Variants in ANO4 observed in about 807,000 individuals in gnomAD.
The protein encoded by ANO4 is anoctamin 4, also known as anoctamin-4.
Under a neutral mutation model 141.9 loss-of-function variants are expected in ANO4, and 69 were observed. The observed-to-expected ratio is 0.49, with a 90% CI of 0.40 to 0.59. The LOEUF (loss-of-function observed/expected upper bound fraction) is 0.59, where lower values mean the gene tolerates loss of function less well. Among genes scored for constraint, ANO4 ranks in the 20% least tolerant of loss-of-function variants. The probability of loss-of-function intolerance (pLI) is 0.00; values close to 1 mark genes in which losing one functional copy is unlikely to be tolerated. For synonymous variants in ANO4, 350 were observed against 394.3 expected, an observed-to-expected ratio of 0.89 and a Z score of 1.33; for missense variants, 894 against 1,162.2, an observed-to-expected ratio of 0.77 and a Z score of 3.36.
intron 1 of ANO4, among the ~76,000 whole-genome samples, chr12:100,844,188 G>A (rs185635487): frequency 1.3e-5 from 2 of 152,212 alleles, no homozygotes; most frequent in East Asian, 3.9e-4. Context: ...GTTAAGGCCT[G>A]TGAAGAAAAG....
At chr12:100,870,864 T>A (rs920478906) in intron 1 of ANO4, among the ~76,000 whole-genome samples, 1 of 152,178 alleles carries the variant, frequency 6.6e-6, no homozygotes, top group Non-Finnish European at 1.5e-5. Flanking sequence ...GGCTTATTGG[T>A]TTTAAAGAAG....
At chr12:100,729,392 G>GAAAAAAAAAAAAAAAAA (rs2031289316) in intron 1 of ANO4, among the ~76,000 whole-genome samples, 1 of 65,212 alleles carries the variant, frequency 1.5e-5, no homozygotes. Flanking sequence ...AAAAAAAAAG[G>GAAAAAAAAAAAAAAAAA]TAACACTAAT....
At chr12:100,883,785 A>G (rs1337415697) in intron 1 of ANO4, among the ~76,000 whole-genome samples, 1 of 152,238 alleles carries the variant, frequency 6.6e-6, no homozygotes. Context: ...ACAACTTTTA[A>G]AAAAGATCAT....
At chr12:100,742,124 A>G (rs1198768914) in intron 3 of ANO4, among the ~76,000 whole-genome samples, 1 of 152,136 alleles carries the variant, frequency 6.6e-6, no homozygotes, top group African/African-American at 2.4e-5. Flanking sequence ...GCTTATTATT[A>G]TTCTTACTAT....
intron 8 of ANO4, among the ~76,000 whole-genome samples, chr12:101,000,970 A>C (rs991093388): frequency 3.3e-5 from 5 of 152,238 alleles, no homozygotes; most frequent in Admixed American, 1.3e-4. Flanking sequence ...AAACACTTTC[A>C]ATGCCTATTA....
chr12:100,936,854 T>G (rs1189735638), intron 3 of ANO4, among the ~76,000 whole-genome samples: 1 of 152,186 alleles, frequency 6.6e-6, no homozygotes, highest in South Asian at 2.1e-4. Flanking sequence ...TTCGCCACCC[T>G]GAGAGAGAAG....
At chr12:100,916,670 A>G (rs553114095) in intron 2 of ANO4, among the ~76,000 whole-genome samples, 1 of 152,290 alleles carries the variant, frequency 6.6e-6, no homozygotes, top group Admixed American at 6.5e-5. Context: ...TATACTATAG[A>G]AAAGACAAAA....
rs2043757783 is a variant in ANO4 at position 100,968,080 on chromosome 12, G to A, written c.457-3226G>A. 3.3e-5 allele frequency among the ~76,000 whole-genome samples: 5 copies of A among 152,070 alleles called. No homozygotes were observed. The South Asian group carries it at 1.0e-3, about 32-fold the overall frequency. ...AACATGTGAATGTGCTTTGACAATT[G>A]CAAAACATGAAAAATAATAAATAAA... On this transcript the variant is annotated intron_variant, in intron 5 of 27. Transcript: ENST00000392977.
intron 1 of ANO4, among the ~76,000 whole-genome samples, chr12:100,814,106 A>G (rs531824181): frequency 6.6e-6 from 1 of 152,286 alleles, no homozygotes; most frequent in Admixed American, 6.5e-5. Flanking sequence ...GATTGCATCC[A>G]TGATTCCTCT....
At chr12:100,754,620 C>T (rs114555856) in intron 3 of ANO4, among the ~76,000 whole-genome samples, 1,912 of 152,238 alleles carry the variant, frequency 0.013, 25 homozygotes, top group African/African-American at 0.043. Flanking sequence ...AACAAATGTT[C>T]ATAGCAGCAC....
At chr12:101,119,881 C>T (rs2051010747) in intron 25 of ANO4, among the ~76,000 whole-genome samples, 1 of 152,048 alleles carries the variant, frequency 6.6e-6, no homozygotes, top group African/African-American at 2.4e-5. Flanking sequence ...AGTGCCTGGT[C>T]CCCAACAGGT....
intron 22 of ANO4, among the ~76,000 whole-genome samples, chr12:101,110,112 T>C (rs895436615): frequency 1.3e-5 from 2 of 152,144 alleles, no homozygotes; most frequent in African/African-American, 4.8e-5. Context: ...ACCGTAGCTC[T>C]GGAATCAAAC....
At chr12:100,863,854 A>G (rs138640225) in intron 1 of ANO4, among the ~76,000 whole-genome samples, 5 of 152,330 alleles carry the variant, frequency 3.3e-5, no homozygotes, top group African/African-American at 1.2e-4. Context: ...CGTAATGCCT[A>G]TACCCACAGT....
Position 101,079,284 on chromosome 12 carries a change from C to A in ANO4, c.1395+9C>A. On this transcript the variant is annotated intron_variant, in intron 15 of 27. Transcript: ENST00000392977. ...ACTGGGAAGAAGAGGAGGTTTGTAT[C>A]ATTTACCTCAGAATGTTGTAAAAAG... 2 of 1,606,954 alleles carry A rather than the reference C, an allele frequency of 1.2e-6. No individual in the cohort carries two copies. The highest frequency in any genetic ancestry group is 8.5e-7 in the Non-Finnish European group (1 of 1,173,954).
chr12:100,795,364 A>G (rs998953015), intron 1 of ANO4, among the ~76,000 whole-genome samples: 3 of 152,208 alleles, frequency 2.0e-5, no homozygotes, highest in Middle Eastern at 3.2e-3. Context: ...TTTGGGCAGG[A>G]TGAATCCTCA....
At chr12:100,746,698 C>G in intron 3 of ANO4, among the ~76,000 whole-genome samples, 1 of 152,152 alleles carries the variant, frequency 6.6e-6, no homozygotes, top group East Asian at 1.9e-4. Context: ...GACGTGGTCC[C>G]TAACTCATTG....
intron 14 of ANO4, among the ~76,000 whole-genome samples, chr12:101,065,353 T>A (rs1370919779): frequency 6.6e-6 from 1 of 152,120 alleles, no homozygotes; most frequent in African/African-American, 2.4e-5. Flanking sequence ...TGTTGTTAAT[T>A]ATAGTGTTAT....
chr12:100,979,324 A>G (rs1003465823), intron 7 of ANO4, among the ~76,000 whole-genome samples: 1 of 152,106 alleles, frequency 6.6e-6, no homozygotes, highest in African/African-American at 2.4e-5. Flanking sequence ...GCTTTTAAAA[A>G]CACGGATCAC....
intron 3 of ANO4, among the ~76,000 whole-genome samples, chr12:100,760,014 T>C (rs1452360800): frequency 6.6e-6 from 1 of 152,222 alleles, no homozygotes; most frequent in Non-Finnish European, 1.5e-5. Flanking sequence ...CAGACATGAC[T>C]GATAGCTTTG....
Sources: gnomAD v4.1 joint callset for allele counts (sites outside exome capture counted in the v4.1 genomes callset) on GRCh38, gnomAD v4.1.1 for gene constraint, MANE v1.5 for transcripts, NCBI Gene and HGNC (gene_info 2026-07-23, HGNC 2026-07-21) for gene names.